ERCC6L2: variants seen among roughly 807,000 people sequenced by gnomAD.
ERCC6L2 encodes DNA excision repair protein ERCC-6-like 2.
In ERCC6L2, 77 loss-of-function variants were observed where a neutral mutation model predicts 132.0. The ratio of observed to expected loss-of-function variants is 0.58; its 90% CI spans 0.49 to 0.71. ERCC6L2 has a LOEUF of 0.71. Among genes scored for constraint, ERCC6L2 ranks in the 30% least tolerant of loss-of-function variants. The probability of loss-of-function intolerance (pLI) is 0.00; values close to 1 mark genes in which losing one functional copy is unlikely to be tolerated. For synonymous variants in ERCC6L2, 583 were observed against 632.4 expected, an observed-to-expected ratio of 0.92 and a Z score of 1.17; for missense variants, 1,542 against 1,837.6, an observed-to-expected ratio of 0.84 and a Z score of 2.94.
intron 3 of ERCC6L2, among the ~76,000 whole-genome samples, chr9:95,906,375 AT>A (rs1829035299): frequency 6.6e-6 from 1 of 152,026 alleles, no homozygotes; most frequent in Admixed American, 6.6e-5. Flanking sequence ...GGTAGGGGAG[AT>A]TGGGGGCAGT....
At chr9:95,889,472 T>TGTGTGTGTGTGC (rs2132555535) in intron 2 of ERCC6L2, among the ~76,000 whole-genome samples, 1 of 152,222 alleles carries the variant, frequency 6.6e-6, no homozygotes, top group East Asian at 1.9e-4. Flanking sequence ...AATATATGTG[T>TGTGTGTGTGTGC]GTGTGTGTGT....
intron 12 of ERCC6L2, among the ~76,000 whole-genome samples, chr9:95,953,168 A>T (rs1371212853): frequency 6.6e-6 from 1 of 152,208 alleles, no homozygotes; most frequent in Non-Finnish European, 1.5e-5. Context: ...AACAGTGTGG[A>T]TATACCTAAT....
In ERCC6L2 at chr9:96,012,916, C is replaced by A; in HGVS notation, c.4366C>A (p.Pro1456Thr). The change falls in exon 19 of 19, where the codon CCC (proline) becomes ACC (threonine). Residue 1456 changes from proline (P) to threonine (T), a missense_variant. By Grantham distance (38) the Pro-to-Thr change is conservative. Coordinates refer to ENST00000653738, the MANE Select transcript of ERCC6L2 (RefSeq NM_020207.7). ...CCTTTTTAAAAGTCATGGGAACAGT[C>A]CCACACAACTGCCAAAGAAAGTTCT... ...DDLFKSHGNS[P>T]TQLPKKVLSG... 1 of 1,367,442 alleles carries A rather than the reference C, an allele frequency of 7.3e-7. No homozygotes were observed. The highest frequency in any genetic ancestry group is 9.8e-7 in the Non-Finnish European group (1 of 1,021,734). 84.7% of individuals were successfully genotyped at this position (1,367,442 alleles called of 1,614,324 possible). A position where few individuals can be genotyped will look rare whatever the true frequency, so the allele number is the denominator to read the frequency against.
In ERCC6L2 at chr9:96,014,103, C is replaced by G. The variant is rs879403822; in HGVS notation, c.*900C>G. On this transcript the variant is annotated 3_prime_UTR_variant, in exon 19 of 19. Transcript: ENST00000653738. ...CTGTGTTCTGTGCTAGGAGCTTGAG[C>G]TCTACAGGTAAGGCAGAGCTACCGG... is the stretch of plus-strand genomic sequence containing the variant. The G allele has an allele frequency of 3.9e-5, 6 of 152,204 alleles. No individual in the cohort carries two copies. Among genetic ancestry groups the G allele is most frequent in the Non-Finnish European group, 7.3e-5 (5 of 68,040 alleles). The allele number at this position is 152,204 out of a possible 1,614,324, so 9.4% of individuals were successfully genotyped here.
Position 95,941,436 on chromosome 9 carries a change from T to C in ERCC6L2, c.1752-18T>C. On this transcript the variant is annotated intron_variant, in intron 11 of 18. Coordinates refer to ENST00000653738, the MANE Select transcript of ERCC6L2 (RefSeq NM_020207.7). ...TTTTGCTGTTCTAATGTGCTTTTTT[T>C]TTTTCTCTTTCCTCCAGGGCTGGTG... 1.1e-5 allele frequency: 17 copies of C among 1,591,800 alleles called. No individual in the cohort carries two copies. Among genetic ancestry groups the C allele is most frequent in the Non-Finnish European group, 1.5e-5 (17 of 1,167,028 alleles).
intron 2 of ERCC6L2, among the ~76,000 whole-genome samples, chr9:95,897,205 C>G (rs999232603): frequency 2.0e-5 from 3 of 152,154 alleles, no homozygotes; most frequent in African/African-American, 7.2e-5. Context: ...GGTTAACGCC[C>G]TTGCCTAACT....
chr9:95,956,084 G>A (rs1400913094), intron 13 of ERCC6L2, 71 bp downstream of exon 13: 2 of 823,558 alleles, frequency 2.4e-6, no homozygotes, highest in South Asian at 4.6e-5. Context: ...GAACAAATTT[G>A]TGTAAAATGT....
At chr9:95,922,137 A>G (rs1209475374) in intron 7 of ERCC6L2, among the ~76,000 whole-genome samples, 168 bp from the exon 8 acceptor site, 1 of 152,224 alleles carries the variant, frequency 6.6e-6, no homozygotes, top group African/African-American at 2.4e-5. Context: ...ATGCTTCCAC[A>G]TTAGCTATTT....
chr9:95,970,209 C>T (rs1832350635), intron 14 of ERCC6L2, among the ~76,000 whole-genome samples: 1 of 152,016 alleles, frequency 6.6e-6, no homozygotes, highest in Admixed American at 6.6e-5. Flanking sequence ...GTTAATATGT[C>T]CTTACCATAA....
chr9:96,039,069 T>G, exon 20 of ERCC6L2: 1 of 387,666 alleles, frequency 2.6e-6, no homozygotes, highest in Non-Finnish European at 5.1e-6. Flanking sequence ...GGCTGACATC[T>G]TCACTGCAAC....
At chr9:96,040,804 C>T (rs1273433761) in intron 20 of ERCC6L2, among the ~76,000 whole-genome samples, 1 of 152,148 alleles carries the variant, frequency 6.6e-6, no homozygotes, top group South Asian at 2.1e-4. Context: ...AGAGGCGAGG[C>T]GTGCCCTCGG....
intron 12 of ERCC6L2, among the ~76,000 whole-genome samples, chr9:95,944,279 A>C (rs547852604): frequency 6.6e-6 from 1 of 152,366 alleles, no homozygotes; most frequent in African/African-American, 2.4e-5. Context: ...ATATGAAAGG[A>C]CAAATATTGT....
At chr9:95,890,631 G>GCCC (rs760728012) in intron 2 of ERCC6L2, among the ~76,000 whole-genome samples, 2 of 152,162 alleles carry the variant, frequency 1.3e-5, no homozygotes, top group Non-Finnish European at 2.9e-5. Flanking sequence ...AAGAAACAAA[G>GCCC]CCTTCTACCT....
Position 95,897,964 on chromosome 9 carries a change from CA to C in ERCC6L2, c.593del (p.Lys198ArgfsTer4). ...SMKKEPLSSTAKKMFLIVAPL... is the reference protein window; with the variant it reads ...SMKKEPLSSTXKKMFLIVAPL... ...AAAAAGGAACCCCTTTCTTCTACAG[CA>C]AAAAAGGTAAAATCTCTAGACAATG... On this transcript the variant is annotated frameshift_variant, in exon 3 of 19. Transcript: ENST00000653738. LOFTEE classifies it high-confidence loss of function. The C allele has an allele frequency of 6.2e-7, 1 of 1,601,948 alleles. No individual in the cohort carries two copies. Among genetic ancestry groups the C allele is most frequent in the Non-Finnish European group, 8.5e-7 (1 of 1,176,012 alleles).
At chr9:96,030,701 CAAAA>C (rs35421948) in intron 19 of ERCC6L2, among the ~76,000 whole-genome samples, 1 of 79,954 alleles carries the variant, frequency 1.3e-5, no homozygotes. Context: ...GACTCCATCT[CAAAA>C]AAAAAAAAAA....
At chr9:95,921,090 A>C (rs1176142314) in intron 6 of ERCC6L2, 85 bp from the exon 7 acceptor site, 3 of 1,321,756 alleles carry the variant, frequency 2.3e-6, no homozygotes, top group Non-Finnish European at 3.1e-6. Flanking sequence ...TCACTGTTAT[A>C]ATCTATGAAA....
At chr9:95,878,771 C>T (rs1171424743) in intron 1 of ERCC6L2, among the ~76,000 whole-genome samples, 1 of 146,032 alleles carries the variant, frequency 6.8e-6, no homozygotes, top group Non-Finnish European at 1.5e-5. Flanking sequence ...GTTTTTTGTT[C>T]TTGCGATAGT....
At chr9:95,898,063 G>C in intron 3 of ERCC6L2, 92 bp downstream of exon 3, 3 of 1,129,348 alleles carry the variant, frequency 2.7e-6, no homozygotes, top group Non-Finnish European at 2.4e-6. Context: ...AAAATGTATT[G>C]GTATACATTT....
At chr9:96,037,608 G>C (rs1315695324) in intron 19 of ERCC6L2, among the ~76,000 whole-genome samples, 3 of 152,202 alleles carry the variant, frequency 2.0e-5, no homozygotes, top group Non-Finnish European at 4.4e-5. Context: ...CATGGAGCCA[G>C]GCACATGTCG....
Sources: gnomAD v4.1 joint callset for allele counts (sites outside exome capture counted in the v4.1 genomes callset) on GRCh38, gnomAD v4.1.1 for gene constraint, MANE v1.5 for transcripts, NCBI Gene and HGNC (gene_info 2026-07-23, HGNC 2026-07-21) for gene names.